The following MICALL2 variants were observed in gnomAD, a reference collection of about 807,000 sequenced individuals.
MICALL2 encodes MICAL like 2, also known as MICAL-like protein 2.
MICALL2 carries 111 observed loss-of-function variants against 91.1 expected under a neutral mutation model. The observed-to-expected ratio is 1.22, with a 90% CI of 1.04 to 1.43. The LOEUF is 1.43. MICALL2 is among the 40% of genes most tolerant of loss of function. MICALL2 has a pLI of 0.00. For synonymous variants in MICALL2, 694 were observed against 525.3 expected, an observed-to-expected ratio of 1.32 and a Z score of -4.39; for missense variants, 1,556 against 1,236.0, an observed-to-expected ratio of 1.26 and a Z score of -3.88.
chr7:1,437,379 G>A (rs116709512), intron 14 of MICALL2, 156 bp downstream of exon 14: 13 of 573,784 alleles, frequency 2.3e-5, no homozygotes, highest in African/African-American at 1.9e-4. Flanking sequence ...ACAGCCAGGA[G>A]GTGGGAGATT....
Position 1,446,724 on chromosome 7 carries a change from C to G in MICALL2, c.630G>C (p.Arg210=). The G allele has an allele frequency of 6.2e-7, 1 of 1,600,510 alleles. No homozygotes were observed. The change falls in exon 5 of 17, where the codon CGG becomes CGC. Residue 210 remains arginine, a synonymous_variant. Coordinates refer to ENST00000297508, the MANE Select transcript of MICALL2 (RefSeq NM_182924.4). ...GAGGGCAGCCCCACCTGAAGCAGCTCCGGTGGTAAAGCCTCCCGTCGGCCA... is the reference window on the plus strand; with the variant it reads ...GAGGGCAGCCCCACCTGAAGCAGCTGCGGTGGTAAAGCCTCCCGTCGGCCA... ...RHLADGRLYH[R]SCFRCKQCSC...
Position 1,437,585 on chromosome 7 carries a change from T to C in MICALL2, c.2426A>G (p.Glu809Gly). 7 of 1,537,026 alleles carry C rather than the reference T, an allele frequency of 4.6e-6. No homozygotes were observed. Among genetic ancestry groups the C allele is most frequent in the Non-Finnish European group, 6.1e-6 (7 of 1,145,706 alleles). The stretch of plus-strand genomic sequence containing the variant: ...CTCGCCCTCGATGTCCAGCTGCTGC[T>C]CCTCCAGACGCTGGGCCTTGGACCT... The part of the protein sequence containing the change: ...MYKSKAQRLE[E>G]QQLDIEGELR... The change falls in exon 14 of 17, where the codon GAG (glutamate) becomes GGG (glycine). Residue 809 changes from glutamate to glycine, a missense_variant. Physicochemically the swap from Glu to Gly is moderately conservative, Grantham distance 98. Transcript: ENST00000297508.
At chr7:1,435,189 C>A (rs370549776) in intron 15 of MICALL2, 42 bp from the exon 16 acceptor site, 1 of 1,608,100 alleles carries the variant, frequency 6.2e-7, no homozygotes, top group South Asian at 1.1e-5. Context: ...ATGGCAATGG[C>A]AAGGTGCCCT....
intron 14 of MICALL2, 90 bp from the exon 15 acceptor site, chr7:1,436,946 CCT>C: frequency 1.1e-6 from 1 of 946,242 alleles, no homozygotes; most frequent in Non-Finnish European, 1.5e-6. Context: ...GCGCCAGGCT[CCT>C]CTTTTGGAGG....
At chr7:1,442,927 GTC>G (rs1217308491) in intron 6 of MICALL2, among the ~76,000 whole-genome samples, 3 of 152,080 alleles carry the variant, frequency 2.0e-5, no homozygotes, top group Non-Finnish European at 2.9e-5. Flanking sequence ...ATGTGACACA[GTC>G]TCTCTGGCCC....
At chr7:1,447,196 C>A (rs1584224083) in intron 4 of MICALL2, among the ~76,000 whole-genome samples, 1 of 152,172 alleles carries the variant, frequency 6.6e-6, no homozygotes, top group East Asian at 1.9e-4. Flanking sequence ...AGATATTTGC[C>A]CACCGCCTTC....
chr7:1,439,651 C>T, intron 9 of MICALL2: 2 of 379,006 alleles, frequency 5.3e-6, no homozygotes, highest in South Asian at 9.8e-5. Context: ...ATCACGTGCA[C>T]ATGCATCACA....
At chr7:1,449,352 C>T (rs374085628) in intron 2 of MICALL2, among the ~76,000 whole-genome samples, 3 of 152,204 alleles carry the variant, frequency 2.0e-5, no homozygotes, top group South Asian at 2.1e-4. Flanking sequence ...GAGTCTCACT[C>T]TGTTGTCCAG....
At chr7:1,448,977 G>T (rs1780717554) in intron 2 of MICALL2, among the ~76,000 whole-genome samples, 1 of 152,268 alleles carries the variant, frequency 6.6e-6, no homozygotes, top group African/African-American at 2.4e-5. Context: ...GAGGTCACCA[G>T]GCCGGTGGGC....
chr7:1,450,136 A>G, intron 2 of MICALL2, 104 bp downstream of exon 2: 1 of 867,122 alleles, frequency 1.2e-6, no homozygotes, highest in Non-Finnish European at 1.9e-6. Flanking sequence ...CAGGACTCCC[A>G]AGGCAGGTGC....
At chr7:1,439,308 C>A (rs115811332) in intron 9 of MICALL2, 1 of 363,872 alleles carries the variant, frequency 2.7e-6, no homozygotes. Flanking sequence ...TGCACACACA[C>A]GCATCACACA....
intron 7 of MICALL2, 48 bp from the exon 8 acceptor site, chr7:1,440,732 T>TGGGGTGTCTGCA (rs1422938043): frequency 6.6e-7 from 1 of 1,510,276 alleles, no homozygotes; most frequent in African/African-American, 1.4e-5. Flanking sequence ...GTGCTGGGAA[T>TGGGGTGTCTGCA]GGGGTGTCTG....
rs568260152 is a variant in MICALL2 at position 1,455,647 on chromosome 7, C to T, written c.143+3537G>A. ...GATCCCCGCCCCCTCCACCCGGGGTCGGTGGGGCAGAGGCAGAACCAGGAG... is the reference window on the plus strand; with the variant it reads ...GATCCCCGCCCCCTCCACCCGGGGTTGGTGGGGCAGAGGCAGAACCAGGAG... On this transcript the variant is annotated intron_variant, in intron 1 of 16. Transcript: ENST00000297508. 1.1e-3 allele frequency among the ~76,000 whole-genome samples: 162 copies of T among 151,970 alleles called. 1 individual carries two copies. Among genetic ancestry groups the T allele is most frequent in the Non-Finnish European group, 1.5e-3 (104 of 67,794 alleles).
At position 1,438,942 on chromosome 7, in the gene MICALL2, C is replaced by G. The variant is rs764003316; in HGVS notation, c.2020G>C (p.Asp674His). ...GGCCGAAGCCAGTTGTCACAAACGT[C>G]GAGGCTGGCAGGGACGGCCAGTCTC... is the stretch of plus-strand genomic sequence containing the variant. ...RRRLAVPASL[D>H]VCDNWLRPEP... is the part of the protein sequence containing the mutation. Residue 674 changes from aspartate (D) to histidine (H), a missense_variant, in exon 10 of 17, where the codon GAC becomes CAC. Physicochemically the swap from Asp to His is moderately conservative, Grantham distance 81. Transcript: ENST00000297508. The G allele has an allele frequency of 6.2e-7, 1 of 1,605,602 alleles. No homozygotes were observed. The highest frequency in any genetic ancestry group is 2.2e-5 in the East Asian group (1 of 44,858).
intron 1 of MICALL2, 55 bp downstream of exon 1, chr7:1,459,129 G>A: frequency 6.5e-7 from 1 of 1,534,130 alleles, no homozygotes; most frequent in Middle Eastern, 2.2e-4. Context: ...TTCCCCGCCC[G>A]TGTCAGCGCG....
At chr7:1,436,683 G>A in intron 15 of MICALL2, 59 bp downstream of exon 15, 2 of 1,341,128 alleles carry the variant, frequency 1.5e-6, no homozygotes, top group Non-Finnish European at 2.1e-6. Flanking sequence ...CTGAGGGCCG[G>A]GAGCATGGAC....
At position 1,440,611 on chromosome 7, in the gene MICALL2, G is replaced by C. The variant is rs186774012; in HGVS notation, c.1785C>G (p.Asp595Glu). The stretch of plus-strand genomic sequence containing the variant: ...CTAACCTCTCAGCTGGGCTTCTCCT[G>C]TCCACGGGCTTCAGATTCGCTCTCC... ...AGWRANLKPV[D>E]RRSPAERTLK... is the part of the protein sequence containing the mutation. Residue 595 changes from aspartate to glutamate, a missense_variant, in exon 8 of 17, where the codon GAC becomes GAG. By Grantham distance (45) the Asp-to-Glu change is conservative. Coordinates refer to ENST00000297508, the MANE Select transcript of MICALL2 (RefSeq NM_182924.4). 53 of 1,612,630 alleles carry C rather than the reference G, an allele frequency of 3.3e-5. No homozygotes were observed. Among genetic ancestry groups the C allele is most frequent in the Non-Finnish European group, 4.2e-5 (49 of 1,179,936 alleles).
At chr7:1,436,414 G>A (rs181934462) in intron 15 of MICALL2, among the ~76,000 whole-genome samples, 5 of 125,212 alleles carry the variant, frequency 4.0e-5, no homozygotes, top group East Asian at 4.1e-4. Flanking sequence ...TTAGCCGGGT[G>A]TGGTAGTGTG....
Position 1,452,183 on chromosome 7 carries a change from C to A in MICALL2, c.144-1895G>T, listed in dbSNP as rs531225287. Among the ~76,000 whole-genome samples the A allele has an allele frequency of 9.8e-5, 15 of 152,352 alleles. No homozygotes were observed. In the South Asian group the frequency reaches 3.1e-3, roughly 32 times the overall value. ...ACAGGCGGAGCTTCTGCACGCCGGA[C>A]AAGATGGGGCGCGGACTCCTCTCCG... On this transcript the variant is annotated intron_variant, in intron 1 of 16. Transcript: ENST00000297508. This position sits in a 1 kb window ranked among gnomAD's most constrained non-coding sequence, Gnocchi z 6.2.
Sources: allele counts gnomAD v4.1 joint callset (sites outside exome capture counted in the v4.1 genomes callset), GRCh38; gene constraint gnomAD v4.1.1; non-coding constraint Gnocchi (gnomAD v3.1); transcripts MANE v1.5; gene names NCBI Gene and HGNC (gene_info 2026-07-23, HGNC 2026-07-21).